The following DGKB variants were observed in gnomAD, a reference collection of about 807,000 sequenced individuals.
DGKB encodes diacylglycerol kinase beta.
Under a neutral mutation model 114.3 loss-of-function variants are expected in DGKB, and 67 were observed. The observed-to-expected ratio is 0.59, with a 90% CI of 0.48 to 0.72. The LOEUF is 0.72. Ranked by LOEUF, DGKB falls within the 30% of genes least tolerant of loss-of-function variation. DGKB has a pLI of 0.00. For synonymous variants in DGKB, 398 were observed against 323.1 expected (o/e 1.23, Z -2.49); for missense variants, 907 against 975.2 (o/e 0.93, Z 0.93).
At chr7:14,221,283 T>C (rs1789913584) in intron 23 of DGKB, among the ~76,000 whole-genome samples, 1 of 151,464 alleles carries the variant, frequency 6.6e-6, no homozygotes, top group African/African-American at 2.4e-5. Context: ...ATCTAGTATT[T>C]CACCATTAAG....
rs550970362 is a variant in DGKB, at chr7:14,297,060, A to C, written c.2122+41455T>G. Among the ~76,000 whole-genome samples, 25 of 152,298 alleles carry C rather than the reference A, an allele frequency of 1.6e-4. No homozygotes were observed. The East Asian group carries it at 4.6e-3, about 28-fold the overall frequency. ...AACAAGTTCTGAAATTGAGACAGTAATTAATAACCTACAAACCAAAAAAAG... is the reference window on the plus strand; with the variant it reads ...AACAAGTTCTGAAATTGAGACAGTACTTAATAACCTACAAACCAAAAAAAG... On this transcript the variant is annotated intron_variant, in intron 23 of 25. Transcript: ENST00000402815.
At chr7:14,495,985 G>A (rs1054260625) in intron 20 of DGKB, among the ~76,000 whole-genome samples, 1 of 151,702 alleles carries the variant, frequency 6.6e-6, no homozygotes, top group African/African-American at 2.4e-5. Context: ...AAAAATTATT[G>A]GAGGCTTCTT....
intron 12 of DGKB, among the ~76,000 whole-genome samples, chr7:14,681,888 A>G (rs1820896679): frequency 6.6e-6 from 1 of 152,090 alleles, no homozygotes; most frequent in Admixed American, 6.6e-5. Context: ...CAAGACAAGC[A>G]TTTACATCAG....
intron 23 of DGKB, among the ~76,000 whole-genome samples, chr7:14,229,072 A>G (rs11974258): frequency 0.058 from 8,765 of 152,082 alleles, 520 homozygotes; most frequent in East Asian, 0.24. Context: ...CTACAAAAGA[A>G]GGGCAGAACA....
At chr7:14,363,359 G>C (rs1481090220) in intron 21 of DGKB, among the ~76,000 whole-genome samples, 1 of 152,074 alleles carries the variant, frequency 6.6e-6, no homozygotes, top group Non-Finnish European at 1.5e-5. Flanking sequence ...TAGCAGAAAA[G>C]ACACGAACTG....
chr7:14,718,853 G>C (rs537937071), intron 5 of DGKB, 168 bp from the exon 6 acceptor site: 1 of 549,376 alleles, frequency 1.8e-6, no homozygotes, highest in East Asian at 3.1e-5. Context: ...CATAGCCTAC[G>C]ACTGTTGTAG....
intron 13 of DGKB, among the ~76,000 whole-genome samples, chr7:14,666,129 A>C (rs1203457063): frequency 6.6e-6 from 1 of 152,032 alleles, no homozygotes; most frequent in African/African-American, 2.4e-5. Flanking sequence ...CCAAAAATAA[A>C]AGCATGATGG....
intron 23 of DGKB, among the ~76,000 whole-genome samples, chr7:14,289,223 A>G (rs564310234): frequency 2.0e-5 from 3 of 152,268 alleles, no homozygotes; most frequent in Non-Finnish European, 4.4e-5. Flanking sequence ...CTCGTGCTTG[A>G]AAAAAACCAC....
At chr7:14,632,528 A>C (rs1809925397) in intron 13 of DGKB, among the ~76,000 whole-genome samples, 1 of 151,844 alleles carries the variant, frequency 6.6e-6, no homozygotes, top group Non-Finnish European at 1.5e-5. Flanking sequence ...TTTTCTAATA[A>C]AATTTGAGAG....
intron 2 of DGKB, among the ~76,000 whole-genome samples, chr7:14,761,833 A>C (rs1835739403): frequency 6.6e-6 from 1 of 152,174 alleles, no homozygotes; most frequent in Non-Finnish European, 1.5e-5. Flanking sequence ...AGTGCTAGGC[A>C]GCCCAGTGCT....
intron 2 of DGKB, among the ~76,000 whole-genome samples, chr7:14,822,914 TC>T (rs1845144602): frequency 6.6e-6 from 1 of 152,090 alleles, no homozygotes; most frequent in South Asian, 2.1e-4. Flanking sequence ...ATCAGAGATG[TC>T]TTCAAATATA....
chr7:14,733,790 A>AAAGAAAGG (rs1421267634), intron 5 of DGKB, among the ~76,000 whole-genome samples: 3 of 147,858 alleles, frequency 2.0e-5, no homozygotes, highest in African/African-American at 7.4e-5. Context: ...AGAAAGAAAG[A>AAAGAAAGG]AGGGAGAGAG....
At chr7:14,908,902 T>C (rs76049626) in intron 1 of DGKB, among the ~76,000 whole-genome samples, 1 of 152,176 alleles carries the variant, frequency 6.6e-6, no homozygotes, top group African/African-American at 2.4e-5. Flanking sequence ...ACAAAACTCA[T>C]TATCATTATC....
intron 21 of DGKB, among the ~76,000 whole-genome samples, chr7:14,368,151 A>G (rs1817006548): frequency 6.6e-6 from 1 of 150,874 alleles, no homozygotes; most frequent in Non-Finnish European, 1.5e-5. Flanking sequence ...ACATATGCAC[A>G]GTCCCCCCAC....
intron 4 of DGKB, among the ~76,000 whole-genome samples, chr7:14,740,137 C>T (rs147781537): frequency 3.0e-4 from 45 of 152,346 alleles, no homozygotes; most frequent in African/African-American, 7.2e-4. Flanking sequence ...CCTCCCTTGG[C>T]CAAGGAGTCC....
At chr7:14,819,637 CTA>C (rs996627303) in intron 2 of DGKB, among the ~76,000 whole-genome samples, 1 of 151,978 alleles carries the variant, frequency 6.6e-6, no homozygotes, top group Admixed American at 6.6e-5. Flanking sequence ...TACTACATCC[CTA>C]TGACACACAT....
chr7:14,644,177 G>A (rs1051653066), intron 13 of DGKB, among the ~76,000 whole-genome samples: 2 of 149,764 alleles, frequency 1.3e-5, no homozygotes, highest in African/African-American at 4.9e-5. Context: ...TAAAACCAAA[G>A]CACTCTACCT....
At chr7:14,506,906 C>T (rs997321019) in intron 20 of DGKB, among the ~76,000 whole-genome samples, 1 of 152,134 alleles carries the variant, frequency 6.6e-6, no homozygotes, top group Admixed American at 6.6e-5. Context: ...CAATTCTGGC[C>T]CACAGTAGTT....
chr7:14,607,710 G>T (rs2128781321), intron 16 of DGKB, among the ~76,000 whole-genome samples: 1 of 151,938 alleles, frequency 6.6e-6, no homozygotes, highest in South Asian at 2.1e-4. Context: ...AAAAGGCTTA[G>T]TAGCCACTAT....
Sources: allele counts gnomAD v4.1 joint callset (sites outside exome capture counted in the v4.1 genomes callset), GRCh38; gene constraint gnomAD v4.1.1; transcripts MANE v1.5; gene names NCBI Gene and HGNC (gene_info 2026-07-23, HGNC 2026-07-21).